TBC1D5: variants seen among roughly 807,000 people sequenced by gnomAD.
TBC1D5 encodes TBC1 domain family, member 5.
In TBC1D5, 75 loss-of-function variants were observed where a neutral mutation model predicts 100.3. The observed-to-expected ratio is 0.75, with a 90% CI of 0.62 to 0.91. The LOEUF is 0.91. Among genes scored for constraint, TBC1D5 ranks in the 40% least tolerant of loss-of-function variants. TBC1D5 has a pLI of 0.00. For synonymous variants in TBC1D5, 323 were observed against 325.6 expected (o/e 0.99, Z 0.09); for missense variants, 910 against 942.4 (o/e 0.97, Z 0.45).
chr3:17,731,271 G>C (rs2076529740), intron 1 of TBC1D5, among the ~76,000 whole-genome samples: 1 of 152,244 alleles, frequency 6.6e-6, no homozygotes, highest in African/African-American at 2.4e-5. Context: ...GGGAGGCCGA[G>C]GCGGGCGGAT....
At chr3:17,710,637 T>G (rs1577699053) in intron 1 of TBC1D5, among the ~76,000 whole-genome samples, 1 of 151,968 alleles carries the variant, frequency 6.6e-6, no homozygotes, top group Non-Finnish European at 1.5e-5. Flanking sequence ...AACGACTTGA[T>G]ACGATAAGAG....
chr3:17,607,523 A>G (rs769213294), intron 2 of TBC1D5, among the ~76,000 whole-genome samples: 5 of 152,022 alleles, frequency 3.3e-5, no homozygotes, highest in Non-Finnish European at 7.4e-5. Context: ...ATTGCGAAGG[A>G]AACAAATCAA....
At chr3:17,221,901 A>G (rs1164073722) in intron 17 of TBC1D5, among the ~76,000 whole-genome samples, 1 of 152,202 alleles carries the variant, frequency 6.6e-6, no homozygotes, top group Non-Finnish European at 1.5e-5. Context: ...ACTTCTCTAC[A>G]TTTTCAACTT....
chr3:17,256,217 A>AGCACCGTCT (rs2077654436), intron 16 of TBC1D5, among the ~76,000 whole-genome samples: 1 of 151,992 alleles, frequency 6.6e-6, no homozygotes, highest in Admixed American at 6.5e-5. Flanking sequence ...CAATTTTCCC[A>AGCACCGTCT]GCACCGTCTA....
In TBC1D5 at chr3:17,390,530, C is replaced by T. The variant is rs565832187; in HGVS notation, c.510-6515G>A. Reference sequence around the variant, plus strand: ...AGATGCAAGTATTCAATAAGATGCCCCAGGGGAAAAAGGAAAGCCCTTGGT... The same window carrying T: ...AGATGCAAGTATTCAATAAGATGCCTCAGGGGAAAAAGGAAAGCCCTTGGT... On this transcript the variant is annotated intron_variant, in intron 8 of 21. Transcript: ENST00000253692. 2.0e-4 allele frequency among the ~76,000 whole-genome samples: 31 copies of T among 152,006 alleles called. No individual in the cohort carries two copies. The East Asian group carries it at 3.7e-3, about 18-fold the overall frequency.
exon 22 of TBC1D5, chr3:17,161,082 C>A (rs1371440453): frequency 1.5e-5 from 25 of 1,614,030 alleles, no homozygotes; most frequent in Non-Finnish European, 1.9e-5. Context: ...TCTGAGAACA[C>A]CAGTGGGGAG....
chr3:17,604,462 TGAAA>T (rs2061204649), intron 2 of TBC1D5, among the ~76,000 whole-genome samples: 1 of 152,200 alleles, frequency 6.6e-6, no homozygotes, highest in African/African-American at 2.4e-5. Context: ...ACATATAAAT[TGAAA>T]GAGATTGGTA....
At chr3:17,663,246 T>C (rs2066847205) in intron 1 of TBC1D5, 1 of 142,020 alleles carries the variant, frequency 7.0e-6, no homozygotes, top group Non-Finnish European at 1.5e-5. Context: ...TGTAGAACAA[T>C]ATATATTTGA....
At chr3:17,492,927 C>T (rs1258958874) in intron 3 of TBC1D5, among the ~76,000 whole-genome samples, 1 of 152,138 alleles carries the variant, frequency 6.6e-6, no homozygotes, top group Non-Finnish European at 1.5e-5. Flanking sequence ...GGCATTTAGC[C>T]CATTTACATT....
At chr3:17,528,560 C>G (rs1389663711) in intron 2 of TBC1D5, among the ~76,000 whole-genome samples, 1 of 152,188 alleles carries the variant, frequency 6.6e-6, no homozygotes, top group Admixed American at 6.5e-5. Flanking sequence ...CACAGCAGCA[C>G]AAATGGAGTA....
At chr3:17,282,512 T>A (rs1188644366) in intron 15 of TBC1D5, among the ~76,000 whole-genome samples, 1 of 152,304 alleles carries the variant, frequency 6.6e-6, no homozygotes, top group African/African-American at 2.4e-5. Flanking sequence ...TGGATTTTAG[T>A]CTCCTCTTTA....
intron 2 of TBC1D5, among the ~76,000 whole-genome samples, chr3:17,602,839 T>C (rs2061068813): frequency 1.3e-5 from 2 of 152,064 alleles, no homozygotes; most frequent in Non-Finnish European, 2.9e-5. Flanking sequence ...CCTCCCAAAG[T>C]GCTGGGATTA....
intron 3 of TBC1D5, among the ~76,000 whole-genome samples, chr3:17,473,228 T>C (rs186132221): frequency 6.6e-6 from 1 of 152,236 alleles, no homozygotes; most frequent in Admixed American, 6.5e-5. Flanking sequence ...CTGGGCAACA[T>C]AGCGAGACTC....
intron 13 of TBC1D5, among the ~76,000 whole-genome samples, chr3:17,337,869 T>C (rs899815250): frequency 3.3e-5 from 5 of 152,142 alleles, no homozygotes; most frequent in African/African-American, 1.2e-4. Flanking sequence ...AAAAAGAAAG[T>C]GGAGAAAGTA....
At chr3:17,397,577 A>G (rs913994459) in intron 8 of TBC1D5, among the ~76,000 whole-genome samples, 2 of 152,064 alleles carry the variant, frequency 1.3e-5, no homozygotes, top group Non-Finnish European at 2.9e-5. Flanking sequence ...CGGTTTTGCC[A>G]TGTTGCCCAG....
At chr3:17,287,088 T>C (rs2081260054) in intron 15 of TBC1D5, among the ~76,000 whole-genome samples, 1 of 152,244 alleles carries the variant, frequency 6.6e-6, no homozygotes, top group African/African-American at 2.4e-5. Context: ...AAGTTCAAGT[T>C]GTATAATTAA....
At chr3:17,590,225 G>C (rs1243942993) in intron 2 of TBC1D5, among the ~76,000 whole-genome samples, 2 of 152,184 alleles carry the variant, frequency 1.3e-5, no homozygotes, top group African/African-American at 4.8e-5. Flanking sequence ...AACAGGCATG[G>C]GAATGTACAT....
chr3:17,188,109 TAA>T (rs2069377807), intron 18 of TBC1D5, among the ~76,000 whole-genome samples: 1 of 152,148 alleles, frequency 6.6e-6, no homozygotes, highest in Admixed American at 6.5e-5. Context: ...AGTATGAGCT[TAA>T]AGAGGGCCTC....
At chr3:17,473,192 C>T (rs2095400415) in intron 3 of TBC1D5, among the ~76,000 whole-genome samples, 1 of 152,168 alleles carries the variant, frequency 6.6e-6, no homozygotes, top group African/African-American at 2.4e-5. Context: ...GATCACAGGA[C>T]TTGAGCCCAG....
Sources: gnomAD v4.1 joint callset for allele counts (sites outside exome capture counted in the v4.1 genomes callset) on GRCh38, gnomAD v4.1.1 for gene constraint, MANE v1.5 for transcripts, NCBI Gene and HGNC (gene_info 2026-07-23, HGNC 2026-07-21) for gene names.